FBXW11: variants seen among roughly 807,000 people sequenced by gnomAD.
FBXW11 encodes the protein F-box/WD repeat-containing protein 11.
Under a neutral mutation model 77.6 loss-of-function variants are expected in FBXW11, and 19 were observed. That is an observed-to-expected ratio of 0.24 (90% confidence interval 0.17 to 0.36). FBXW11 has a LOEUF of 0.36. Among genes scored for constraint, FBXW11 ranks in the 10% least tolerant of loss-of-function variants. FBXW11 has a pLI of 1.00. For synonymous variants in FBXW11, 235 were observed against 249.4 expected, an observed-to-expected ratio of 0.94 and a Z score of 0.54; for missense variants, 334 against 704.2, an observed-to-expected ratio of 0.47 and a Z score of 5.95.
chr5:171,962,474 T>C (rs1336906695), intron 1 of FBXW11, among the ~76,000 whole-genome samples: 2 of 152,242 alleles, frequency 1.3e-5, no homozygotes, highest in East Asian at 3.8e-4. Flanking sequence ...AATTAGATTG[T>C]ATATTTGTAG....
At chr5:171,980,866 T>C (rs1765103270) in intron 1 of FBXW11, among the ~76,000 whole-genome samples, 1 of 152,182 alleles carries the variant, frequency 6.6e-6, no homozygotes, top group Admixed American at 6.5e-5. Flanking sequence ...GCGAAAATTC[T>C]TGGAATTGCC....
chr5:171,995,002 G>A (rs1347540538), intron 1 of FBXW11, among the ~76,000 whole-genome samples: 1 of 152,178 alleles, frequency 6.6e-6, no homozygotes, highest in Non-Finnish European at 1.5e-5. Context: ...CTCACCAGAG[G>A]AGAAATATTA....
At chr5:171,963,326 A>G (rs887968864) in intron 1 of FBXW11, among the ~76,000 whole-genome samples, 1 of 152,170 alleles carries the variant, frequency 6.6e-6, no homozygotes, top group African/African-American at 2.4e-5. Flanking sequence ...AGACATTCCA[A>G]GAAGAATACA....
At chr5:171,960,231 C>T (rs541655747) in intron 1 of FBXW11, among the ~76,000 whole-genome samples, 8 of 152,236 alleles carry the variant, frequency 5.3e-5, no homozygotes, top group African/African-American at 1.9e-4. Context: ...CAAAAGTAGC[C>T]AAGCATGGTG....
chr5:171,892,055 C>T (rs1347143043), intron 6 of FBXW11, among the ~76,000 whole-genome samples: 1 of 152,230 alleles, frequency 6.6e-6, no homozygotes, highest in East Asian at 1.9e-4. Context: ...AAGCCAACTA[C>T]ATAGGAAGAA....
intron 2 of FBXW11, among the ~76,000 whole-genome samples, chr5:171,916,119 T>G (rs1761224349): frequency 6.6e-6 from 1 of 151,656 alleles, no homozygotes; most frequent in Non-Finnish European, 1.5e-5. Flanking sequence ...GGGATAGCAT[T>G]AGGAGATATA....
intron 10 of FBXW11, among the ~76,000 whole-genome samples, chr5:171,872,556 TGAG>T (rs1757818061): frequency 6.6e-6 from 1 of 151,968 alleles, no homozygotes; most frequent in South Asian, 2.1e-4. Flanking sequence ...AGCTCACAGG[TGAG>T]GGAAATTGGA....
At chr5:171,873,435 A>T (rs915660512) in intron 9 of FBXW11, among the ~76,000 whole-genome samples, 1 of 152,158 alleles carries the variant, frequency 6.6e-6, no homozygotes, top group Admixed American at 6.5e-5. Context: ...GCTTGAGCTA[A>T]AGAGTTCGAG....
chr5:171,996,813 T>C (rs1766083100), intron 1 of FBXW11: 2 of 1,050,478 alleles, frequency 1.9e-6, no homozygotes, highest in Non-Finnish European at 2.5e-6. Context: ...ACAAAATAAA[T>C]AAGGGAAAAT....
chr5:171,893,156 A>C (rs1205247257), intron 6 of FBXW11, among the ~76,000 whole-genome samples: 1 of 152,116 alleles, frequency 6.6e-6, no homozygotes, highest in Non-Finnish European at 1.5e-5. Flanking sequence ...ATACTTAAAA[A>C]GCGATTATTT....
chr5:171,869,176 C>T lies in FBXW11; in HGVS notation c.1531-380G>A, dbSNP rs1757611507. ...ACCAGGATCTACCTCAAATTGCTGC[C>T]AGCATCAAAATTCATGGTGAAATAA... On this transcript the variant is annotated intron_variant, in intron 12 of 13. Coordinates refer to ENST00000517395, the MANE Select transcript of FBXW11 (RefSeq NM_001378974.1). This position sits in a 1 kb window ranked among gnomAD's most constrained non-coding sequence, Gnocchi z 4.1. 6.6e-6 allele frequency among the ~76,000 whole-genome samples: 1 copy of T among 152,140 alleles called. No homozygotes were observed. The highest frequency in any genetic ancestry group is 1.5e-5 in the Non-Finnish European group (1 of 68,016).
intron 7 of FBXW11, among the ~76,000 whole-genome samples, chr5:171,885,869 T>C (rs1184180332): frequency 6.6e-6 from 1 of 152,204 alleles, no homozygotes; most frequent in African/African-American, 2.4e-5. Flanking sequence ...TCTGACCTAA[T>C]GGAACCTGAG....
At chr5:171,905,799 G>C (rs1561669792) in intron 4 of FBXW11, among the ~76,000 whole-genome samples, 1 of 152,078 alleles carries the variant, frequency 6.6e-6, no homozygotes, top group Admixed American at 6.6e-5. Context: ...AGTGCTTTGA[G>C]GTGTTAAAAC....
At chr5:171,907,199 G>A (rs1218778608) in intron 4 of FBXW11, among the ~76,000 whole-genome samples, 1 of 152,142 alleles carries the variant, frequency 6.6e-6, no homozygotes, top group Non-Finnish European at 1.5e-5. Context: ...AGGAGCCAGA[G>A]ACCACAAACA....
In FBXW11 at chr5:171,928,565, C is replaced by T. The variant is rs115221359; in HGVS notation, c.148-14160G>A. On this transcript the variant is annotated intron_variant, in intron 2 of 13. Coordinates refer to ENST00000517395, the MANE Select transcript of FBXW11 (RefSeq NM_001378974.1). The stretch of plus-strand genomic sequence containing the variant: ...GCATGAAGACATATGTATAGACCAA[C>T]GGGACAGAATGGAAGATTGTAATCG... Among the ~76,000 whole-genome samples the T allele has an allele frequency of 4.3e-3, 659 of 152,294 alleles. 1 individual carries two copies. The highest frequency in any genetic ancestry group is 0.02 in the Middle Eastern group (6 of 294).
At chr5:171,965,117 C>T (rs1036866017) in intron 1 of FBXW11, among the ~76,000 whole-genome samples, 1 of 152,118 alleles carries the variant, frequency 6.6e-6, no homozygotes, top group African/African-American at 2.4e-5. Flanking sequence ...TCAAGAACAG[C>T]CCAAAAGTAG....
At position 171,914,371 on chromosome 5, in the gene FBXW11, T is replaced by C; in HGVS notation, c.182A>G (p.Glu61Gly). 1 of 1,606,316 alleles carries C rather than the reference T, an allele frequency of 6.2e-7. No homozygotes were observed. The highest frequency in any genetic ancestry group is 1.1e-5 in the South Asian group (1 of 89,212). ...CCAAAGAGTATTTTTCTTTGGGGAC[T>C]CATCTTCATTTTGATCTTCCATAAC... ...TSVMEDQNED[E>G]SPKKNTLWQI... The change falls in exon 3 of 14, where the codon GAG becomes GGG. Residue 61 changes from glutamate (E) to glycine (G), a missense_variant. Transcript: ENST00000517395.
At position 171,900,045 on chromosome 5, in the gene FBXW11, A is replaced by C. The variant is rs1205225440; in HGVS notation, c.492T>G (p.Ser164=). ...ENILSYLDAR[S]LCAAELVCKE... Reference sequence around the variant, plus strand: ...TACATACCAGCTCTGCTGCACACAGAGACCTGGCATCCAGGTACGAAAGAA... The same window carrying C: ...TACATACCAGCTCTGCTGCACACAGCGACCTGGCATCCAGGTACGAAAGAA... Residue 164 remains serine, a synonymous_variant, in exon 5 of 14, where the codon TCT becomes TCG. Coordinates refer to ENST00000517395, the MANE Select transcript of FBXW11 (RefSeq NM_001378974.1). The C allele has an allele frequency of 1.2e-6, 2 of 1,613,678 alleles. No homozygotes were observed. The highest frequency in any genetic ancestry group is 1.1e-5 in the South Asian group (1 of 91,016).
At chr5:171,907,206 A>T (rs1760585065) in intron 4 of FBXW11, among the ~76,000 whole-genome samples, 1 of 152,198 alleles carries the variant, frequency 6.6e-6, no homozygotes, top group Non-Finnish European at 1.5e-5. Flanking sequence ...AGAGACCACA[A>T]ACATTTTCCA....
Sources: gnomAD v4.1 joint callset for allele counts (sites outside exome capture counted in the v4.1 genomes callset) on GRCh38, gnomAD v4.1.1 for gene constraint, Gnocchi (gnomAD v3.1) non-coding constraint, MANE v1.5 for transcripts, NCBI Gene and HGNC (gene_info 2026-07-23, HGNC 2026-07-21) for gene names.